KARS1: variants seen among roughly 807,000 people sequenced by gnomAD.
KARS1 encodes the protein lysine--tRNA ligase.
A neutral mutation model predicts 63.9 loss-of-function variants in KARS1; 50 were observed. That is an observed-to-expected ratio of 0.78 (90% confidence interval 0.62 to 0.99). The LOEUF (loss-of-function observed/expected upper bound fraction) is 0.99, where lower values mean the gene tolerates loss of function less well. Ranked by LOEUF, KARS1 falls within the 50% of genes least tolerant of loss-of-function variation. KARS1 has a pLI of 0.00. For synonymous variants in KARS1, 320 were observed against 264.6 expected (o/e 1.21, Z -2.03); for missense variants, 816 against 754.5 (o/e 1.08, Z -0.95).
chr16:75,637,824 ACAG>A (rs2082179028), intron 3 of KARS1, among the ~76,000 whole-genome samples: 1 of 150,284 alleles, frequency 6.7e-6, no homozygotes, highest in Non-Finnish European at 1.5e-5. Context: ...AGTAGAGCCC[ACAG>A]AAACCCTCTC....
Position 75,634,263 on chromosome 16 carries a change from T to A in KARS1, c.825A>T (p.Pro275=). The A allele has an allele frequency of 6.2e-7, 1 of 1,614,026 alleles. No homozygotes were observed. ...TGAAAGGCTTGGCCACGGCTCCCCC[T>A]GGGATGATGTTCATCATGGGAGTTT... ...EIETPMMNII[P]GGAVAKPFIT... Residue 275 remains proline (P), a synonymous_variant, in exon 7 of 14, where the codon CCA becomes CCT. Transcript: ENST00000302445.
At position 75,641,655 on chromosome 16, in the gene KARS1, C is replaced by T; in HGVS notation, c.131G>A (p.Ser44Asn). 6.2e-7 allele frequency: 1 copy of T among 1,614,032 alleles called. No individual in the cohort carries two copies. Among genetic ancestry groups the T allele is most frequent in the Non-Finnish European group, 8.5e-7 (1 of 1,180,002 alleles). The change falls in exon 2 of 14, where the codon AGT becomes AAT. Residue 44 changes from serine (S) to asparagine (N), a missense_variant. Physicochemically the swap from Ser to Asn is conservative, Grantham distance 46. Transcript: ENST00000302445. ...AGTGGCTTGGCTTAGCTGTTTCTCA[C>T]TGAGCTCTTTCTGTTTGGCCTCCTT... ...AEKEAKQKEL[S>N]EKQLSQATAA...
Position 75,631,579 on chromosome 16 carries a change from C to T in KARS1, c.1089G>A (p.Lys363=), listed in dbSNP as rs1367105454. The change falls in exon 9 of 14, where the codon AAG becomes AAA. Residue 363 remains lysine, a synonymous_variant. Transcript: ENST00000302445. Reference sequence around the variant, plus strand: ...TGACCTTGTAACTGCCTGTAATATGCTTCACCATCCCTGGGAGAGAAACCT... The same window carrying T: ...TGACCTTGTAACTGCCTGTAATATGTTTCACCATCCCTGGGAGAGAAACCT... The part of the protein sequence containing the change: ...ITEKMVSGMV[K]HITGSYKVTY... 6.2e-7 allele frequency: 1 copy of T among 1,614,168 alleles called. No individual in the cohort carries two copies. Among genetic ancestry groups the T allele is most frequent in the Non-Finnish European group, 8.5e-7 (1 of 1,180,024 alleles).
intron 5 of KARS1, 44 bp from the exon 6 acceptor site, chr16:75,635,849 C>T: frequency 6.2e-7 from 1 of 1,613,996 alleles, no homozygotes; most frequent in Admixed American, 1.7e-5. Context: ...ATGTCTGATC[C>T]AAAGGTATGA....
intron 4 of KARS1, 27 bp from the exon 5 acceptor site, chr16:75,636,125 TAAC>T: frequency 4.4e-6 from 6 of 1,375,986 alleles, no homozygotes; most frequent in Non-Finnish European, 5.2e-6. Flanking sequence ...TGTAATTCAG[TAAC>T]AACAATTCAA....
Position 75,629,473 on chromosome 16 carries a change from G to A in KARS1, c.1493C>T (p.Ala498Val), listed in dbSNP as rs1415687857. The part of the protein sequence containing the change: ...LFVMKKEICN[A>V]YTELNDPMRQ... ...CATGGGATCATTCAGCTCAGTATAC[G>A]CATTGCATATCTCTTTCTTCATGAC... Residue 498 changes from alanine (A) to valine (V), a missense_variant, in exon 12 of 14, where the codon GCG becomes GTG. Ala to Val is a moderately conservative substitution (Grantham distance 64). Transcript: ENST00000302445. The A allele has an allele frequency of 5.6e-6, 9 of 1,613,966 alleles. No homozygotes were observed. Among genetic ancestry groups the A allele is most frequent in the Non-Finnish European group, 5.9e-6 (7 of 1,179,948 alleles).
chr16:75,647,504 G>GT, intron 1 of KARS1, 74 bp downstream of exon 1: 1 of 1,389,656 alleles, frequency 7.2e-7, no homozygotes, highest in East Asian at 2.4e-5. Context: ...AGCAGCCTTG[G>GT]TGGGAACCTC....
In KARS1 at chr16:75,631,590, C is replaced by G. The variant is rs371134455; in HGVS notation, c.1079-1G>C. Reference sequence around the variant, plus strand: ...CTGCCTGTAATATGCTTCACCATCCCTGGGAGAGAAACCTGTTATTTAGCG... The same window carrying G: ...CTGCCTGTAATATGCTTCACCATCCGTGGGAGAGAAACCTGTTATTTAGCG... On this transcript the variant is annotated splice_acceptor_variant, in intron 8 of 13. Coordinates refer to ENST00000302445, the MANE Select transcript of KARS1 (RefSeq NM_005548.3). LOFTEE classifies it high-confidence loss of function. 7 of 1,614,152 alleles carry G rather than the reference C, an allele frequency of 4.3e-6. No homozygotes were observed. Among genetic ancestry groups the G allele is most frequent in the Non-Finnish European group, 5.9e-6 (7 of 1,180,022 alleles).
chr16:75,645,214 T>A (rs1334408262), intron 1 of KARS1, among the ~76,000 whole-genome samples: 2 of 152,138 alleles, frequency 1.3e-5, no homozygotes, highest in African/African-American at 4.8e-5. Context: ...AGAAAAAAAT[T>A]ATTTTAGCTC....
At chr16:75,634,783 G>A (rs2082146359) in intron 6 of KARS1, among the ~76,000 whole-genome samples, 2 of 152,068 alleles carry the variant, frequency 1.3e-5, no homozygotes, top group South Asian at 4.1e-4. Context: ...CACTGTGTTA[G>A]CCAGGATGGT....
Position 75,627,892 on chromosome 16 carries a change from T to C in KARS1, c.*3A>G. On this transcript the variant is annotated 3_prime_UTR_variant, in exon 14 of 14. Transcript: ENST00000302445. ...GAGTTATACAACTTGCAATTATTAT[T>C]TTCTAGACAGAAGTGCCAACTGTTG... 1 of 1,530,648 alleles carries C rather than the reference T, an allele frequency of 6.5e-7. No homozygotes were observed. The highest frequency in any genetic ancestry group is 9.1e-7 in the Non-Finnish European group (1 of 1,104,708). The allele number at this position is 1,530,648 out of a possible 1,614,324, so 94.8% of individuals were successfully genotyped here. A position where few individuals can be genotyped will look rare whatever the true frequency, so the allele number is the denominator to read the frequency against.
At chr16:75,633,554 G>C (rs1428100154) in intron 7 of KARS1, among the ~76,000 whole-genome samples, 1 of 125,528 alleles carries the variant, frequency 8.0e-6, no homozygotes, top group Admixed American at 9.8e-5. Flanking sequence ...GTCTCATTCT[G>C]TCACCCAGGC....
At chr16:75,643,579 C>A (rs2082248128) in intron 1 of KARS1, among the ~76,000 whole-genome samples, 1 of 152,102 alleles carries the variant, frequency 6.6e-6, no homozygotes, top group South Asian at 2.1e-4. Flanking sequence ...TGGGGTTTCA[C>A]CGTGTTAGCC....
rs147701823 is a variant in KARS1 at position 75,641,333 on chromosome 16, G to A, written c.222+231C>T. ...GGCCTCAAGGTCAAGCTAATTCCAA[G>A]GAAGGTTAATTCACTTGAATGCTGG... On this transcript the variant is annotated intron_variant, in intron 2 of 13. Coordinates refer to ENST00000302445, the MANE Select transcript of KARS1 (RefSeq NM_005548.3). 3.3e-3 allele frequency among the ~76,000 whole-genome samples: 509 copies of A among 152,256 alleles called. 1 individual carries two copies. The highest frequency in any genetic ancestry group is 0.012 in the African/African-American group (486 of 41,542).
At chr16:75,629,234 T>A (rs528366722) in intron 12 of KARS1, among the ~76,000 whole-genome samples, 181 bp downstream of exon 12, 1 of 152,246 alleles carries the variant, frequency 6.6e-6, no homozygotes, top group Non-Finnish European at 1.5e-5. Flanking sequence ...GTTCCTCTTA[T>A]GTACGACAGA....
At chr16:75,644,020 G>C (rs2151812196) in intron 1 of KARS1, among the ~76,000 whole-genome samples, 1 of 152,300 alleles carries the variant, frequency 6.6e-6, no homozygotes, top group South Asian at 2.1e-4. Context: ...GAAATAGCTG[G>C]CATTAGAAAT....
chr16:75,635,043 A>T (rs1394887006), intron 6 of KARS1, among the ~76,000 whole-genome samples: 1 of 152,250 alleles, frequency 6.6e-6, no homozygotes, highest in Non-Finnish European at 1.5e-5. Flanking sequence ...TGTTGGAACA[A>T]ATAATGCAGC....
intron 6 of KARS1, among the ~76,000 whole-genome samples, chr16:75,634,880 C>T (rs377322167): frequency 1.2e-4 from 19 of 152,158 alleles, no homozygotes; most frequent in African/African-American, 3.4e-4. Context: ...CGGCCCAATT[C>T]CCAGTATTTA....
At chr16:75,629,567 G>A (rs749977799) in intron 11 of KARS1, 26 bp from the exon 12 acceptor site, 2 of 1,613,114 alleles carry the variant, frequency 1.2e-6, no homozygotes, top group South Asian at 2.2e-5. Flanking sequence ...CAAAGAGGAG[G>A]CTGAATATAG....
Sources: allele counts gnomAD v4.1 joint callset (sites outside exome capture counted in the v4.1 genomes callset), GRCh38; gene constraint gnomAD v4.1.1; transcripts MANE v1.5; gene names NCBI Gene and HGNC (gene_info 2026-07-23, HGNC 2026-07-21).